Variants in CDH8 observed in about 807,000 individuals in gnomAD.
The protein encoded by CDH8 is cadherin-8.
A neutral mutation model predicts 68.1 loss-of-function variants in CDH8; 17 were observed. The ratio of observed to expected loss-of-function variants is 0.25; its 90% CI spans 0.17 to 0.37. The LOEUF is 0.37. CDH8 is among the 10% of genes least tolerant of loss of function. The pLI is 1.00. For missense variants in CDH8, 763 were observed against 999.3 expected, an observed-to-expected ratio of 0.76 and a Z score of 3.19; for synonymous variants, 372 against 365.1, an observed-to-expected ratio of 1.02 and a Z score of -0.21.
intron 2 of CDH8, among the ~76,000 whole-genome samples, chr16:61,941,721 C>T (rs1191784171): frequency 1.3e-5 from 2 of 152,194 alleles, no homozygotes; most frequent in African/African-American, 4.8e-5. Flanking sequence ...GGATTACAGA[C>T]ATGAGCCACC....
intron 3 of CDH8, among the ~76,000 whole-genome samples, chr16:61,871,959 C>T (rs141828874): frequency 5.3e-5 from 8 of 151,880 alleles, no homozygotes; most frequent in African/African-American, 1.7e-4. Context: ...TATATCCATC[C>T]GGTGTGAGAA....
At chr16:61,957,452 A>G (rs1221301914) in intron 2 of CDH8, among the ~76,000 whole-genome samples, 1 of 152,222 alleles carries the variant, frequency 6.6e-6, no homozygotes, top group Non-Finnish European at 1.5e-5. Flanking sequence ...TGTATGAAAA[A>G]GAACACTAGT....
intron 8 of CDH8, among the ~76,000 whole-genome samples, chr16:61,774,539 C>T (rs1357287238): frequency 6.6e-6 from 1 of 150,380 alleles, no homozygotes; most frequent in Non-Finnish European, 1.5e-5. Context: ...TTTTAACAAA[C>T]AGCTGTCTAG....
At chr16:61,885,137 T>C (rs1963649944) in intron 3 of CDH8, among the ~76,000 whole-genome samples, 1 of 152,164 alleles carries the variant, frequency 6.6e-6, no homozygotes, top group Admixed American at 6.5e-5. Context: ...TATGAGCCAA[T>C]TAATGACTAC....
At chr16:61,892,910 C>T (rs1056335046) in intron 3 of CDH8, among the ~76,000 whole-genome samples, 4 of 152,058 alleles carry the variant, frequency 2.6e-5, no homozygotes, top group Non-Finnish European at 5.9e-5. Context: ...CAAAATGAAG[C>T]CTGAGTTGTC....
chr16:61,881,889 C>A (rs1486576976), intron 3 of CDH8, among the ~76,000 whole-genome samples: 2 of 152,180 alleles, frequency 1.3e-5, no homozygotes, highest in South Asian at 2.1e-4. Flanking sequence ...GAGCACATTT[C>A]TATATTCTCT....
intron 2 of CDH8, among the ~76,000 whole-genome samples, chr16:61,987,360 A>T: frequency 6.6e-6 from 1 of 152,044 alleles, no homozygotes; most frequent in East Asian, 1.9e-4. Context: ...AAAAAAAATT[A>T]GCTGGGCATG....
In CDH8 at chr16:61,960,411, A is replaced by ACACATACATATATACATGTG. The variant is rs1567546895; in HGVS notation, c.253-58939_253-58938insCACATGTATATATGTATGTG. ...TGTATACACATACATATATACATAT[A>ACACATACATATATACATGTG]TGTGTGTGTGTATACACATACATAT... On this transcript the variant is annotated intron_variant, in intron 2 of 11. Transcript: ENST00000577390. Among the ~76,000 whole-genome samples the ACACATACATATATACATGTG allele has an allele frequency of 4.8e-4, 39 of 80,660 alleles. 11 individuals carry two copies. Among genetic ancestry groups the ACACATACATATATACATGTG allele is most frequent in the African/African-American group, 2.2e-3 (33 of 14,950 alleles). The allele number at this position is 80,660 out of a possible 152,430, so 52.9% of individuals were successfully genotyped here. A position where few individuals can be genotyped will look rare whatever the true frequency, so the allele number is the denominator to read the frequency against.
intron 8 of CDH8, among the ~76,000 whole-genome samples, chr16:61,757,182 G>A (rs538372430): frequency 2.0e-5 from 3 of 152,140 alleles, no homozygotes; most frequent in South Asian, 2.1e-4. Flanking sequence ...AAACATTCCC[G>A]GGTCACACAG....
At chr16:61,895,877 C>G (rs1963861068) in intron 3 of CDH8, among the ~76,000 whole-genome samples, 1 of 152,002 alleles carries the variant, frequency 6.6e-6, no homozygotes, top group South Asian at 2.1e-4. Context: ...TCCAAACACA[C>G]TTTTGGGCAG....
chr16:61,801,561 T>C (rs964676001), intron 7 of CDH8, among the ~76,000 whole-genome samples: 36 of 152,266 alleles, frequency 2.4e-4, no homozygotes, highest in Admixed American at 9.8e-4. Flanking sequence ...GTACCGGGTT[T>C]CTCTCACTAG....
At chr16:61,873,635 T>C (rs1051537071) in intron 3 of CDH8, among the ~76,000 whole-genome samples, 4 of 152,186 alleles carry the variant, frequency 2.6e-5, no homozygotes, top group African/African-American at 9.7e-5. Context: ...AGAAACTATT[T>C]TGTTTTTGAA....
At chr16:61,731,593 A>C (rs953970098) in intron 8 of CDH8, among the ~76,000 whole-genome samples, 2 of 151,820 alleles carry the variant, frequency 1.3e-5, no homozygotes, top group Non-Finnish European at 2.9e-5. Flanking sequence ...TGGGGAAAAA[A>C]GGTTTTACTA....
intron 4 of CDH8, among the ~76,000 whole-genome samples, chr16:61,835,445 C>T (rs1326889285): frequency 1.3e-5 from 2 of 151,760 alleles, no homozygotes; most frequent in Non-Finnish European, 2.9e-5. Context: ...ATTTTTACTC[C>T]CAACATGCAT....
At chr16:61,984,274 A>G (rs73568707) in intron 2 of CDH8, among the ~76,000 whole-genome samples, 2,582 of 152,216 alleles carry the variant, frequency 0.017, 68 homozygotes, top group African/African-American at 0.057. Context: ...CATTAAACCT[A>G]ATTAATTCCC....
chr16:61,884,491 A>C (rs1963636020), intron 3 of CDH8, among the ~76,000 whole-genome samples: 1 of 150,746 alleles, frequency 6.6e-6, no homozygotes, highest in Admixed American at 6.7e-5. Context: ...CTCCTGCCTC[A>C]GCCTCCCAAG....
intron 2 of CDH8, among the ~76,000 whole-genome samples, chr16:61,980,373 G>C (rs932709176): frequency 6.6e-6 from 1 of 152,134 alleles, no homozygotes; most frequent in Non-Finnish European, 1.5e-5. Flanking sequence ...TGCTTACCAA[G>C]CGTGTAACTT....
chr16:61,659,946 A>G (rs1963523711), intron 10 of CDH8, among the ~76,000 whole-genome samples: 1 of 152,146 alleles, frequency 6.6e-6, no homozygotes, highest in African/African-American at 2.4e-5. Flanking sequence ...AACAATACAG[A>G]AATCCTGTTG....
rs1265549098 is a variant in CDH8, at chr16:61,652,726, A to G, written c.*882T>C. 5 of 1,290,974 alleles carry G rather than the reference A, an allele frequency of 3.9e-6. No individual in the cohort carries two copies. Among genetic ancestry groups the G allele is most frequent in the East Asian group, 2.9e-5 (1 of 34,128 alleles). 80.0% of individuals were successfully genotyped at this position (1,290,974 alleles called of 1,614,324 possible). A position where few individuals can be genotyped will look rare whatever the true frequency, so the allele number is the denominator to read the frequency against. ...CTTAATCTATAGATTACCGACCTTAATAAATAAAAGCATTAATGGACATCA... is the reference window on the plus strand; with the variant it reads ...CTTAATCTATAGATTACCGACCTTAGTAAATAAAAGCATTAATGGACATCA... On this transcript the variant is annotated 3_prime_UTR_variant, in exon 12 of 12. Transcript: ENST00000577390.
Sources: gnomAD v4.1 joint callset for allele counts (sites outside exome capture counted in the v4.1 genomes callset) on GRCh38, gnomAD v4.1.1 for gene constraint, MANE v1.5 for transcripts, NCBI Gene and HGNC (gene_info 2026-07-23, HGNC 2026-07-21) for gene names.